Variants in DSCAM observed in about 807,000 individuals in gnomAD.
DSCAM encodes the protein DS cell adhesion molecule.
DSCAM carries 47 observed loss-of-function variants against 217.7 expected under a neutral mutation model. The observed-to-expected ratio is 0.22, with a 90% confidence interval of 0.17 to 0.28. The LOEUF (loss-of-function observed/expected upper bound fraction) is 0.28. Among genes scored for constraint, DSCAM ranks in the 10% least tolerant of loss-of-function variants. The pLI is 1.00. For missense variants in DSCAM, 2,080 were observed against 2,618.3 expected (o/e 0.79, Z 4.49); for synonymous variants, 1,056 against 1,015.3 (o/e 1.04, Z -0.76).
At chr21:40,780,408 T>C (rs1025955809) in intron 1 of DSCAM, among the ~76,000 whole-genome samples, 1 of 82,802 alleles carries the variant, frequency 1.2e-5, no homozygotes, top group Admixed American at 1.7e-4. Context: ...CGTGTGTGTG[T>C]GTGTGTGTGT....
chr21:40,682,805 G>A lies in DSCAM; in HGVS notation c.508+10005C>T, dbSNP rs1321249017. ...GGAGGGGAGGGGAGGGAAGGGAAGG[G>A]AAGGGAAGGGAAGGGAAGGGAAGGG... On this transcript the variant is annotated intron_variant, in intron 3 of 32. Coordinates refer to ENST00000400454, the MANE Select transcript of DSCAM (RefSeq NM_001389.5). Among the ~76,000 whole-genome samples, 37 of 9,694 alleles carry A rather than the reference G, an allele frequency of 3.8e-3. 8 individuals are homozygous for A. The highest frequency in any genetic ancestry group is 0.011 in the South Asian group (1 of 94). 6.4% of individuals were successfully genotyped at this position (9,694 alleles called of 152,430 possible).
chr21:40,736,436 A>G (rs1421273643), intron 1 of DSCAM, among the ~76,000 whole-genome samples: 1 of 152,212 alleles, frequency 6.6e-6, no homozygotes, highest in Non-Finnish European at 1.5e-5. Flanking sequence ...GTAACGAAAT[A>G]TCACAGGCTG....
chr21:40,511,972 C>G (rs1282094770), intron 3 of DSCAM, among the ~76,000 whole-genome samples: 3 of 115,116 alleles, frequency 2.6e-5, no homozygotes, highest in African/African-American at 3.5e-5. Flanking sequence ...GCCTGGGCGA[C>G]AGAGTGAGAC....
At chr21:40,665,980 C>CCGCTTTTT (rs2090194972) in intron 3 of DSCAM, among the ~76,000 whole-genome samples, 1 of 151,776 alleles carries the variant, frequency 6.6e-6, no homozygotes, top group Non-Finnish European at 1.5e-5. Context: ...TCAGGCTTTT[C>CCGCTTTTT]CCCAACTTCA....
chr21:40,409,952 C>A (rs982873984), intron 3 of DSCAM, among the ~76,000 whole-genome samples: 2 of 151,976 alleles, frequency 1.3e-5, no homozygotes, highest in Non-Finnish European at 2.9e-5. Context: ...TAAACAATTA[C>A]AAAACATGTC....
rs1431435955 is a variant in DSCAM at position 40,338,388 on chromosome 21, C to T, written c.1508-12G>A. 1 of 1,603,200 alleles carries T rather than the reference C, an allele frequency of 6.2e-7. No individual in the cohort carries two copies. Among genetic ancestry groups the T allele is most frequent in the Non-Finnish European group, 8.5e-7 (1 of 1,172,470 alleles). On this transcript the variant is annotated splice_polypyrimidine_tract_variant and intron_variant, in intron 7 of 32. Coordinates refer to ENST00000400454, the MANE Select transcript of DSCAM (RefSeq NM_001389.5). ...AATGCTTGCAGGCCCTGGAGAGACA[C>T]AAAGAAACTCTTGAAAATAATTTAA...
intron 2 of DSCAM, among the ~76,000 whole-genome samples, chr21:40,696,289 C>T (rs1158509466): frequency 6.6e-6 from 1 of 152,296 alleles, no homozygotes; most frequent in African/African-American, 2.4e-5. Flanking sequence ...CTCCCCATCC[C>T]TTCTCCTTAT....
At chr21:40,564,630 C>A (rs184974147) in intron 3 of DSCAM, among the ~76,000 whole-genome samples, 8 of 152,236 alleles carry the variant, frequency 5.3e-5, no homozygotes, top group Admixed American at 1.3e-4. Context: ...CACTTTGTTC[C>A]TTTCTCTAGG....
chr21:40,418,853 GA>G (rs1019073405), intron 3 of DSCAM, among the ~76,000 whole-genome samples: 1 of 151,124 alleles, frequency 6.6e-6, no homozygotes, highest in African/African-American at 2.4e-5. Flanking sequence ...AAAATTTAGA[GA>G]AAAAAAACCC....
intron 3 of DSCAM, among the ~76,000 whole-genome samples, chr21:40,589,783 A>T (rs1213934336): frequency 6.6e-6 from 1 of 152,220 alleles, no homozygotes. Context: ...TTACAAAACC[A>T]TCCTCACTGC....
At chr21:40,337,516 T>C (rs1171527486) in intron 8 of DSCAM, among the ~76,000 whole-genome samples, 1 of 152,204 alleles carries the variant, frequency 6.6e-6, no homozygotes, top group Non-Finnish European at 1.5e-5. Flanking sequence ...AAGGAGATTG[T>C]AGTCAATTCA....
At chr21:40,579,875 TCA>T (rs2076889955) in intron 3 of DSCAM, among the ~76,000 whole-genome samples, 1 of 151,936 alleles carries the variant, frequency 6.6e-6, no homozygotes, top group Non-Finnish European at 1.5e-5. Context: ...GGTGTCACAC[TCA>T]CATGTGGGAT....
chr21:40,598,497 GTTTTTT>G lies in DSCAM; in HGVS notation c.508+94307_508+94312del, dbSNP rs71186947. ...TTAGTTTGTAAGAAACTGCCAAACTGTTTTTTTTTTTTTTTTTTTTTTTTTGAGATG... is the reference window on the plus strand; with the variant it reads ...TTAGTTTGTAAGAAACTGCCAAACTGTTTTTTTTTTTTTTTTTTTGAGATG... On this transcript the variant is annotated intron_variant, in intron 3 of 32. Coordinates refer to ENST00000400454, the MANE Select transcript of DSCAM (RefSeq NM_001389.5). 7.5e-5 allele frequency among the ~76,000 whole-genome samples: 5 copies of G among 66,816 alleles called. No homozygotes were observed. The East Asian group carries it at 1.6e-3, about 21-fold the overall frequency. The allele number at this position is 66,816 out of a possible 152,430, so 43.8% of individuals were successfully genotyped here.
At chr21:40,254,817 C>T (rs970627359) in intron 11 of DSCAM, among the ~76,000 whole-genome samples, 1 of 152,116 alleles carries the variant, frequency 6.6e-6, no homozygotes, top group African/African-American at 2.4e-5. Flanking sequence ...CAGCCTAAGA[C>T]AATCCTCCTT....
chr21:40,541,675 G>T lies in DSCAM; in HGVS notation c.508+151135C>A, dbSNP rs370381757. Among the ~76,000 whole-genome samples, 80 of 152,020 alleles carry T rather than the reference G, an allele frequency of 5.3e-4. 2 individuals carry two copies. In the South Asian group the frequency reaches 0.016, roughly 30 times the overall value. On this transcript the variant is annotated intron_variant, in intron 3 of 32. Coordinates refer to ENST00000400454, the MANE Select transcript of DSCAM (RefSeq NM_001389.5). ...GTGCGTAAGTATATATAAGACCTAA[G>T]GTCAACATTTTACAAGTTGTGATGT... is the stretch of plus-strand genomic sequence containing the variant.
intron 2 of DSCAM, among the ~76,000 whole-genome samples, chr21:40,702,763 C>A (rs186769030): frequency 6.6e-6 from 1 of 151,850 alleles, no homozygotes; most frequent in Admixed American, 6.6e-5. Flanking sequence ...CCTTTGTGGG[C>A]TTATTAGCTA....
At chr21:40,042,114 G>A (rs2088762235) in intron 32 of DSCAM, among the ~76,000 whole-genome samples, 1 of 152,204 alleles carries the variant, frequency 6.6e-6, no homozygotes, top group Admixed American at 6.5e-5. Flanking sequence ...CACTTTGGAA[G>A]TGGATCCCCA....
chr21:40,471,034 T>C (rs922465347), intron 3 of DSCAM, among the ~76,000 whole-genome samples: 4 of 152,234 alleles, frequency 2.6e-5, no homozygotes, highest in African/African-American at 7.2e-5. Flanking sequence ...CCATTTTCTC[T>C]AGCCATTTCT....
chr21:40,424,442 G>A (rs184779872), intron 3 of DSCAM, among the ~76,000 whole-genome samples: 6 of 152,314 alleles, frequency 3.9e-5, no homozygotes, highest in Admixed American at 3.9e-4. Flanking sequence ...CTGGCGTGAT[G>A]TCTATAATAC....
Sources: gnomAD v4.1 joint callset for allele counts (sites outside exome capture counted in the v4.1 genomes callset) on GRCh38, gnomAD v4.1.1 for gene constraint, MANE v1.5 for transcripts, NCBI Gene and HGNC (gene_info 2026-07-23, HGNC 2026-07-21) for gene names.